Variants in COLEC10 observed in about 807,000 individuals in gnomAD.
The protein encoded by COLEC10 is collectin-10.
COLEC10 carries 22 observed loss-of-function variants against 28.4 expected under a neutral mutation model. The ratio of observed to expected loss-of-function variants is 0.78; its 90% CI spans 0.55 to 1.11. The LOEUF (loss-of-function observed/expected upper bound fraction) is 1.11, where lower values mean the gene tolerates loss of function less well. Among genes scored for constraint, COLEC10 ranks in the 50% least tolerant of loss-of-function variants. COLEC10 has a pLI of 0.00. For missense variants in COLEC10, 361 were observed against 344.1 expected (o/e 1.05, Z -0.39); for synonymous variants, 125 against 116.1 (o/e 1.08, Z -0.49).
Position 119,015,177 on chromosome 8 carries a change from T to C in COLEC10, n.235+5624T>C, listed in dbSNP as rs555158424. On this transcript the variant is annotated intron_variant and non_coding_transcript_variant, in intron 2 of 6. Coordinates refer to the COLEC10 transcript ENST00000521788. Reference sequence around the variant, plus strand: ...TGATGTATTGGGTAAAAGAAATTGCTCTTAGTAGGCCTTTAGTAATGTGGT... The same window carrying C: ...TGATGTATTGGGTAAAAGAAATTGCCCTTAGTAGGCCTTTAGTAATGTGGT... 2.4e-3 allele frequency among the ~76,000 whole-genome samples: 354 copies of C among 149,920 alleles called. 3 individuals carry two copies. The highest frequency in any genetic ancestry group is 3.9e-3 in the Non-Finnish European group (262 of 67,984).
intron 1 of COLEC10, among the ~76,000 whole-genome samples, chr8:119,078,561 T>G (rs1815301539): frequency 6.6e-6 from 1 of 152,180 alleles, no homozygotes; most frequent in Non-Finnish European, 1.5e-5. Context: ...TTGAGTTACA[T>G]GTGAACATCA....
In COLEC10 at chr8:119,106,005, G is replaced by A. The variant is rs1815933519; in HGVS notation, c.648G>A (p.Arg216=). The change falls in exon 6 of 6, where the codon AGG becomes AGA. Residue 216 remains arginine (R), a synonymous_variant. Transcript: ENST00000332843. ...RVFIGVNDLE[R]EGQYMFTDNT... ...TCATTGGCGTGAATGACCTTGAAAG[G>A]GAGGGACAGTACATGTTCACAGACA... The A allele has an allele frequency of 3.7e-6, 6 of 1,613,736 alleles. No individual in the cohort carries two copies. The African/African-American group carries it at 4.0e-5, about 11-fold the overall frequency.
At chr8:118,975,545 T>A in the COLEC10 span, among the ~76,000 whole-genome samples, 38 of 152,170 alleles carry the variant, frequency 2.5e-4, no homozygotes, top group African/African-American at 9.1e-4. Flanking sequence ...ATTTCGACAC[T>A]CTTTTAGGCC....
chr8:119,063,734 A>C (rs929187659), upstream of COLEC10, among the ~76,000 whole-genome samples: 4 of 151,666 alleles, frequency 2.6e-5, no homozygotes, highest in African/African-American at 7.3e-5. Context: ...CAATTCACAA[A>C]AAAAAAAAAG....
intron 1 of COLEC10, among the ~76,000 whole-genome samples, chr8:118,996,327 G>A (rs1055757516): frequency 5.9e-5 from 9 of 152,054 alleles, no homozygotes; most frequent in South Asian, 4.2e-4. Context: ...AACATGGGAC[G>A]GCGCATATCA....
intron 2 of COLEC10, among the ~76,000 whole-genome samples, chr8:119,061,067 G>A (rs1471131012): frequency 6.6e-6 from 1 of 151,918 alleles, no homozygotes; most frequent in East Asian, 1.9e-4. Flanking sequence ...GATATAATAG[G>A]TGCTCAATAA....
At chr8:119,014,327 T>C (rs908166699) in intron 2 of COLEC10, among the ~76,000 whole-genome samples, 3 of 150,130 alleles carry the variant, frequency 2.0e-5, no homozygotes, top group Non-Finnish European at 2.9e-5. Flanking sequence ...TTTTGCAGAA[T>C]AATTTCGCAG....
At chr8:118,952,940 C>A in the COLEC10 span, among the ~76,000 whole-genome samples, 1 of 152,170 alleles carries the variant, frequency 6.6e-6, no homozygotes, top group African/African-American at 2.4e-5. Context: ...CTGAAAAAGT[C>A]CCTGCAGAGC....
intron 1 of COLEC10, among the ~76,000 whole-genome samples, chr8:119,070,361 C>A (rs1327619997): frequency 6.6e-6 from 1 of 152,148 alleles, no homozygotes; most frequent in Admixed American, 6.5e-5. Flanking sequence ...CAAAATGACT[C>A]TGTTGCAAGC....
chr8:119,015,671 G>T (rs372261853), intron 2 of COLEC10, among the ~76,000 whole-genome samples: 3 of 152,122 alleles, frequency 2.0e-5, no homozygotes, highest in African/African-American at 7.2e-5. Flanking sequence ...TACTGTGCTG[G>T]TTCCTGTGAA....
At chr8:119,085,599 C>CTTCTTTTTTTTTTTTTTT (rs1563739053) in intron 1 of COLEC10, among the ~76,000 whole-genome samples, 7 of 63,552 alleles carry the variant, frequency 1.1e-4, no homozygotes, top group Admixed American at 3.9e-4. Context: ...TCTTCTTCTT[C>CTTCTTTTTTTTTTTTTTT]TTTTTTTTTT....
chr8:119,081,380 TC>T (rs1815367015), intron 1 of COLEC10, among the ~76,000 whole-genome samples: 1 of 152,164 alleles, frequency 6.6e-6, no homozygotes, highest in African/African-American at 2.4e-5. Flanking sequence ...TTTTTGCAAA[TC>T]AATTTTCAAA....
chr8:119,103,946 C>T lies in COLEC10; in HGVS notation c.442+51C>T, dbSNP rs375263830. 3.5e-6 allele frequency: 4 copies of T among 1,148,224 alleles called. No homozygotes were observed. In the African/African-American group the frequency reaches 6.1e-5, roughly 18 times the overall value. 71.1% of individuals were successfully genotyped at this position (1,148,224 alleles called of 1,614,324 possible). A position where few individuals can be genotyped will look rare whatever the true frequency, so the allele number is the denominator to read the frequency against. Reference sequence around the variant, plus strand: ...GTATCTATTGATAGATCTCCATCAACACTACAATTCCAGTACTCTTAGATG... The same window carrying T: ...GTATCTATTGATAGATCTCCATCAATACTACAATTCCAGTACTCTTAGATG... On this transcript the variant is annotated intron_variant, in intron 5 of 5. Coordinates refer to ENST00000332843, the MANE Select transcript of COLEC10 (RefSeq NM_006438.5).
chr8:118,978,818 G>T, the COLEC10 span, among the ~76,000 whole-genome samples: 3 of 151,896 alleles, frequency 2.0e-5, no homozygotes, highest in Non-Finnish European at 4.4e-5. Flanking sequence ...TTTGCCATAT[G>T]CTTATAAATA....
chr8:119,053,200 G>A (rs1486180686), intron 2 of COLEC10, among the ~76,000 whole-genome samples: 1 of 152,074 alleles, frequency 6.6e-6, no homozygotes, highest in Non-Finnish European at 1.5e-5. Context: ...CCGTAAAAGG[G>A]GGGACTATGT....
At chr8:119,045,319 A>G (rs898349000) in intron 2 of COLEC10, among the ~76,000 whole-genome samples, 4 of 152,158 alleles carry the variant, frequency 2.6e-5, no homozygotes, top group African/African-American at 7.2e-5. Context: ...GCAAACCAAG[A>G]CTCTGCATAT....
At chr8:118,967,940 G>A in the COLEC10 span, among the ~76,000 whole-genome samples, 1 of 151,954 alleles carries the variant, frequency 6.6e-6, no homozygotes, top group East Asian at 1.9e-4. Flanking sequence ...TGCAGCCTAG[G>A]GGTATATTGG....
intron 2 of COLEC10, among the ~76,000 whole-genome samples, chr8:119,025,265 T>C (rs1814169903): frequency 6.6e-6 from 1 of 152,208 alleles, no homozygotes; most frequent in African/African-American, 2.4e-5. Flanking sequence ...GTTCCAGTCT[T>C]CAACATTTGC....
At chr8:119,064,213 T>TA (rs1298878272), upstream of COLEC10, among the ~76,000 whole-genome samples, 2 of 152,184 alleles carry the variant, frequency 1.3e-5, no homozygotes, top group African/African-American at 4.8e-5. Context: ...TTATATAAAA[T>TA]ATGTGAATTC....
Sources: gnomAD v4.1 joint callset for allele counts (sites outside exome capture counted in the v4.1 genomes callset) on GRCh38, gnomAD v4.1.1 for gene constraint, MANE v1.5 for transcripts, NCBI Gene and HGNC (gene_info 2026-07-23, HGNC 2026-07-21) for gene names.